CCDC91: variants seen among roughly 807,000 people sequenced by gnomAD.
CCDC91 encodes the protein coiled-coil domain-containing protein 91.
CCDC91 carries 48 observed loss-of-function variants against 63.2 expected under a neutral mutation model. That is an observed-to-expected ratio of 0.76 (90% CI 0.60 to 0.97). The LOEUF (loss-of-function observed/expected upper bound fraction) is 0.97. Ranked by LOEUF, CCDC91 falls within the 50% of genes least tolerant of loss-of-function variation. The pLI, the probability that CCDC91 is intolerant of heterozygous loss-of-function variation, is 0.00. For synonymous variants in CCDC91, 167 were observed against 165.8 expected, an observed-to-expected ratio of 1.01 and a Z score of -0.06; for missense variants, 500 against 494.6, an observed-to-expected ratio of 1.01 and a Z score of -0.10.
At chr12:28,509,281 GGCTAGGTCCTACA>G (rs1323301461) in intron 12 of CCDC91, among the ~76,000 whole-genome samples, 3 of 151,812 alleles carry the variant, frequency 2.0e-5, no homozygotes, top group Non-Finnish European at 2.9e-5. Context: ...GATACATGTT[GGCTAGGTCCTACA>G]GTTCATTTGA....
intron 1 of CCDC91, among the ~76,000 whole-genome samples, chr12:28,206,821 T>C (rs993750284): frequency 2.0e-5 from 3 of 152,218 alleles, no homozygotes; most frequent in Non-Finnish European, 4.4e-5. Context: ...GAGCCTATCA[T>C]GAGGGATACA....
At chr12:28,283,701 A>G (rs1490620958) in intron 3 of CCDC91, among the ~76,000 whole-genome samples, 4 of 152,154 alleles carry the variant, frequency 2.6e-5, no homozygotes, top group Non-Finnish European at 5.9e-5. Flanking sequence ...TAAACATGAA[A>G]TTTGTGTTTT....
chr12:28,457,696 G>T (rs1398103313), intron 11 of CCDC91, among the ~76,000 whole-genome samples: 1 of 151,432 alleles, frequency 6.6e-6, no homozygotes, highest in Non-Finnish European at 1.5e-5. Flanking sequence ...GTTTTCCTTT[G>T]GCCTTGATCG....
intron 8 of CCDC91, among the ~76,000 whole-genome samples, chr12:28,449,059 C>A (rs1188079991): frequency 6.6e-6 from 1 of 151,954 alleles, no homozygotes; most frequent in African/African-American, 2.4e-5. Flanking sequence ...ATTTGTATCA[C>A]AGTTTGGATT....
intron 3 of CCDC91, among the ~76,000 whole-genome samples, chr12:28,301,725 T>C (rs1938101167): frequency 6.6e-6 from 1 of 151,702 alleles, no homozygotes; most frequent in Non-Finnish European, 1.5e-5. Flanking sequence ...CCTATTTTTT[T>C]CACAGAAAAT....
At chr12:28,369,198 T>TA (rs1192826709) in intron 7 of CCDC91, among the ~76,000 whole-genome samples, 1 of 152,132 alleles carries the variant, frequency 6.6e-6, no homozygotes, top group Non-Finnish European at 1.5e-5. Flanking sequence ...TATGAGCCTG[T>TA]AAAATCAAAA....
At chr12:28,190,923 G>A (rs544264620) in intron 1 of CCDC91, among the ~76,000 whole-genome samples, 1 of 152,356 alleles carries the variant, frequency 6.6e-6, no homozygotes, top group East Asian at 1.9e-4. Flanking sequence ...GTTTTCGAAA[G>A]TCTACGCCCA....
At chr12:28,224,496 T>G (rs1232530035) in intron 1 of CCDC91, among the ~76,000 whole-genome samples, 1 of 152,180 alleles carries the variant, frequency 6.6e-6, no homozygotes, top group East Asian at 1.9e-4. Context: ...GTGACTTGTT[T>G]GTGATTCCAG....
rs1940396931 is a variant in CCDC91, at chr12:28,519,774, G to C, written c.1216-29289G>C. On this transcript the variant is annotated intron_variant, in intron 12 of 12. Transcript: ENST00000536442. ...GTGATGTTCCCCTTCCTGTGTCCAA[G>C]TGTTCTCATTGTTCAAATCCCACCT... 3.1e-5 allele frequency among the ~76,000 whole-genome samples: 4 copies of C among 130,918 alleles called. No individual in the cohort carries two copies. The South Asian group carries it at 9.3e-4, about 30-fold the overall frequency. The allele number at this position is 130,918 out of a possible 152,430, so 85.9% of individuals were successfully genotyped here. A position where few individuals can be genotyped will look rare whatever the true frequency, so the allele number is the denominator to read the frequency against.
intron 1 of CCDC91, among the ~76,000 whole-genome samples, chr12:28,233,900 A>C (rs1440311082): frequency 6.6e-6 from 1 of 152,038 alleles, no homozygotes; most frequent in Non-Finnish European, 1.5e-5. Flanking sequence ...TCTTGGTATC[A>C]TCTTTATTTT....
At chr12:28,289,970 G>A (rs1169256616) in intron 3 of CCDC91, among the ~76,000 whole-genome samples, 1 of 152,064 alleles carries the variant, frequency 6.6e-6, no homozygotes, top group Admixed American at 6.6e-5. Flanking sequence ...GGGAATACAG[G>A]CGTGAGCCAC....
rs1491187097 is a variant in CCDC91, at chr12:28,267,741, TTA to T, written c.109+8305_109+8306del. ...TATATATATTATTTATTATATATAA[TTA>T]TATATTACTATATAATTATATATAA... On this transcript the variant is annotated intron_variant, in intron 3 of 12. Coordinates refer to ENST00000536442, the MANE Select transcript of CCDC91 (RefSeq NM_018318.5). Among the ~76,000 whole-genome samples the T allele has an allele frequency of 1.5e-3, 104 of 70,004 alleles. 1 individual carries two copies. Among genetic ancestry groups the T allele is most frequent in the African/African-American group, 4.8e-3 (102 of 21,150 alleles). The allele number at this position is 70,004 out of a possible 152,430, so 45.9% of individuals were successfully genotyped here.
intron 1 of CCDC91, among the ~76,000 whole-genome samples, chr12:28,193,954 T>A (rs1346051698): frequency 4.6e-5 from 7 of 152,240 alleles, no homozygotes; most frequent in African/African-American, 1.7e-4. Flanking sequence ...CATTATCGTA[T>A]ATATGTTCAC....
At chr12:28,473,954 G>T (rs1383456982) in intron 11 of CCDC91, among the ~76,000 whole-genome samples, 2 of 147,486 alleles carry the variant, frequency 1.4e-5, no homozygotes, top group Non-Finnish European at 3.0e-5. Context: ...TTTAATTTTA[G>T]TTGTAGTGTG....
At chr12:28,500,148 G>C (rs1952553426) in intron 12 of CCDC91, among the ~76,000 whole-genome samples, 1 of 150,666 alleles carries the variant, frequency 6.6e-6, no homozygotes, top group Non-Finnish European at 1.5e-5. Context: ...GTCTTCTTTT[G>C]AGAAGTGTCT....
At chr12:28,274,920 A>G (rs1485425346) in intron 3 of CCDC91, among the ~76,000 whole-genome samples, 4 of 152,120 alleles carry the variant, frequency 2.6e-5, no homozygotes, top group Non-Finnish European at 5.9e-5. Flanking sequence ...TTTGAAACCA[A>G]CGAGAACAAA....
chr12:28,239,932 ATAT>A (rs796574022), intron 1 of CCDC91, among the ~76,000 whole-genome samples: 19 of 152,314 alleles, frequency 1.2e-4, no homozygotes, highest in African/African-American at 3.4e-4. Flanking sequence ...TGTTGCTCAA[ATAT>A]TAGCAAAATT....
intron 12 of CCDC91, among the ~76,000 whole-genome samples, chr12:28,531,809 C>T (rs960953688): frequency 2.0e-5 from 3 of 152,144 alleles, no homozygotes; most frequent in African/African-American, 7.2e-5. Flanking sequence ...TTTGGAAATA[C>T]AGAAGTAAAT....
intron 3 of CCDC91, among the ~76,000 whole-genome samples, chr12:28,288,384 T>A (rs1334357297): frequency 6.6e-6 from 1 of 152,180 alleles, no homozygotes; most frequent in Non-Finnish European, 1.5e-5. Flanking sequence ...CAATACCTAG[T>A]TTATTGAGAG....
Sources: gnomAD v4.1 joint callset for allele counts (sites outside exome capture counted in the v4.1 genomes callset) on GRCh38, gnomAD v4.1.1 for gene constraint, MANE v1.5 for transcripts, NCBI Gene and HGNC (gene_info 2026-07-23, HGNC 2026-07-21) for gene names.